Variants in FMN2 observed in about 807,000 individuals in gnomAD.
The protein encoded by FMN2 is formin-2.
FMN2 carries 51 observed loss-of-function variants against 142.3 expected under a neutral mutation model. The ratio of observed to expected loss-of-function variants is 0.36; its 90% CI spans 0.29 to 0.45. FMN2 has a LOEUF of 0.45. Among genes scored for constraint, FMN2 ranks in the 20% least tolerant of loss-of-function variants. The pLI, the probability that FMN2 is intolerant of heterozygous loss-of-function variation, is 1.00. For synonymous variants in FMN2, 882 were observed against 869.8 expected (o/e 1.01, Z -0.25); for missense variants, 1,936 against 2,122.8 (o/e 0.91, Z 1.73).
At chr1:240,392,371 T>C in intron 14 of FMN2, 140 bp from the exon 15 acceptor site, 1 of 540,800 alleles carries the variant, frequency 1.8e-6, no homozygotes, top group South Asian at 4.0e-5. Context: ...ATGACATCCA[T>C]AGATTTGAAA....
At chr1:240,314,620 T>C (rs889571191) in intron 8 of FMN2, among the ~76,000 whole-genome samples, 1 of 152,226 alleles carries the variant, frequency 6.6e-6, no homozygotes, top group Admixed American at 6.5e-5. Flanking sequence ...TTCATGTTCG[T>C]TTCATCCTAG....
At position 240,358,265 on chromosome 1, in the gene FMN2, C is replaced by G. The variant is rs72767913; in HGVS notation, c.4858+2357C>G. Among the ~76,000 whole-genome samples the G allele has an allele frequency of 8.6e-3, 1,311 of 152,164 alleles. 9 individuals are homozygous for G. Among genetic ancestry groups the G allele is most frequent in the Middle Eastern group, 0.014 (4 of 294 alleles). ...TTAATGGACCTTACATTCTGCATTA[C>G]CTGGAAGACAGGTGATAAAAACAAC... is the stretch of plus-strand genomic sequence containing the variant. On this transcript the variant is annotated intron_variant, in intron 14 of 17. Transcript: ENST00000319653.
intron 6 of FMN2, among the ~76,000 whole-genome samples, chr1:240,215,854 G>A (rs1666874979): frequency 6.6e-6 from 1 of 152,024 alleles, no homozygotes; most frequent in Non-Finnish European, 1.5e-5. Flanking sequence ...GATTACAGGT[G>A]CGGGCCACCG....
chr1:240,182,919 C>CTTTTTT (rs66527453), intron 3 of FMN2, among the ~76,000 whole-genome samples: 1 of 138,350 alleles, frequency 7.2e-6, no homozygotes, highest in African/African-American at 2.7e-5. Flanking sequence ...CTTTTCTTTT[C>CTTTTTT]TTTTTTTTTT....
chr1:240,425,462 C>A (rs193158959), intron 15 of FMN2, among the ~76,000 whole-genome samples: 4 of 152,160 alleles, frequency 2.6e-5, no homozygotes, highest in Admixed American at 6.5e-5. Context: ...TTACTCCCCC[C>A]ACCCCAGTTG....
chr1:240,143,458 G>T (rs530792162), intron 2 of FMN2: 2 of 1,498,820 alleles, frequency 1.3e-6, no homozygotes, highest in East Asian at 4.5e-5. Context: ...GTCAGCAGGG[G>T]TTTCCTTTTT....
rs202192932 is a variant in FMN2 at position 240,472,353 on chromosome 1, T to C, written c.5061-19T>C. On this transcript the variant is annotated intron_variant, in intron 16 of 17. Coordinates refer to ENST00000319653, the MANE Select transcript of FMN2 (RefSeq NM_020066.5). Reference sequence around the variant, plus strand: ...TCTAAGTAGGTTTTGTTTAAATACATGTGTCTTCTCCCCATCAGAGTAAAA... The same window carrying C: ...TCTAAGTAGGTTTTGTTTAAATACACGTGTCTTCTCCCCATCAGAGTAAAA... 4 of 1,594,500 alleles carry C rather than the reference T, an allele frequency of 2.5e-6. No homozygotes were observed. The highest frequency in any genetic ancestry group is 3.4e-6 in the Non-Finnish European group (4 of 1,167,608).
intron 16 of FMN2, among the ~76,000 whole-genome samples, chr1:240,448,091 A>T (rs1357394100): frequency 1.3e-5 from 2 of 152,154 alleles, no homozygotes; most frequent in African/African-American, 4.8e-5. Flanking sequence ...TACCCGAGTA[A>T]TTTTGTATGT....
At position 240,473,466 on chromosome 1, in the gene FMN2, A is replaced by AG. The variant is rs1477584210; in HGVS notation, c.5143-660dup. Reference sequence around the variant, plus strand: ...TAAATGAAAAGTTGAGTTAGGCCTTAGGATAGGACCATTCTAAATTGAATT... The same window carrying AG: ...TAAATGAAAAGTTGAGTTAGGCCTTAGGGATAGGACCATTCTAAATTGAATT... On this transcript the variant is annotated intron_variant, in intron 17 of 17. Transcript: ENST00000319653. The surrounding 1 kb of genome is among the most constrained non-coding windows in gnomAD (Gnocchi z 4.3). Among the ~76,000 whole-genome samples the AG allele has an allele frequency of 6.6e-6, 1 of 152,238 alleles. No individual in the cohort carries two copies. The highest frequency in any genetic ancestry group is 2.4e-5 in the African/African-American group (1 of 41,466).
chr1:240,388,198 AGACTAGGAAAAAAACGTGGTGCTCAAAGC>A (rs1673469232), intron 14 of FMN2, among the ~76,000 whole-genome samples: 5 of 115,996 alleles, frequency 4.3e-5, no homozygotes, highest in Non-Finnish European at 5.5e-5. Context: ...AAAAAAAAAA[AGACTAGGAAAAAAACGTGGTGCTCAAAGC>A]AAAAAAAAAA....
intron 15 of FMN2, among the ~76,000 whole-genome samples, chr1:240,398,266 A>G (rs1484375916): frequency 6.6e-6 from 1 of 152,172 alleles, no homozygotes; most frequent in Non-Finnish European, 1.5e-5. Context: ...GGCCTCCCAA[A>G]GAGCTGGGAT....
At chr1:240,430,905 A>T (rs561336963) in intron 15 of FMN2, among the ~76,000 whole-genome samples, 18 of 149,672 alleles carry the variant, frequency 1.2e-4, no homozygotes, top group Admixed American at 6.6e-5. Context: ...TCTTTTTTTT[A>T]AAAATGTATT....
At chr1:240,295,226 TCA>T (rs1332560793) in intron 8 of FMN2, among the ~76,000 whole-genome samples, 1 of 124,198 alleles carries the variant, frequency 8.1e-6, no homozygotes, top group African/African-American at 3.1e-5. Flanking sequence ...ACACACACAC[TCA>T]CACACACTTA....
chr1:240,167,149 AAAAC>A (rs1247731867), intron 2 of FMN2, among the ~76,000 whole-genome samples: 3 of 152,192 alleles, frequency 2.0e-5, no homozygotes, highest in African/African-American at 7.2e-5. Flanking sequence ...AAAAACAAAA[AAAAC>A]CAAAAGGGAT....
intron 16 of FMN2, among the ~76,000 whole-genome samples, chr1:240,467,121 C>A (rs1395220404): frequency 6.6e-6 from 1 of 152,102 alleles, no homozygotes; most frequent in South Asian, 2.1e-4. Flanking sequence ...ACAAACAAAA[C>A]CGGCAAAGTA....
chr1:240,301,356 T>A (rs189869444), intron 8 of FMN2, among the ~76,000 whole-genome samples: 2 of 151,904 alleles, frequency 1.3e-5, no homozygotes, highest in East Asian at 3.9e-4. Flanking sequence ...TGTTGTGACG[T>A]GAGTAGCATC....
chr1:240,468,930 A>G (rs748877353), intron 16 of FMN2, among the ~76,000 whole-genome samples: 1 of 152,174 alleles, frequency 6.6e-6, no homozygotes, highest in African/African-American at 2.4e-5. Context: ...ACCTCCAGGG[A>G]CACATTCTTT....
intron 4 of FMN2, among the ~76,000 whole-genome samples, chr1:240,199,047 A>G (rs1666033202): frequency 6.6e-6 from 1 of 152,040 alleles, no homozygotes; most frequent in Non-Finnish European, 1.5e-5. Flanking sequence ...AGAGGTTGCA[A>G]TGAGCCGAGA....
chr1:240,274,817 T>G (rs1460591979), intron 7 of FMN2, among the ~76,000 whole-genome samples: 1 of 152,118 alleles, frequency 6.6e-6, no homozygotes, highest in Admixed American at 6.5e-5. Context: ...GAGAAAAAGA[T>G]AGGACTCTAG....
Sources: allele counts gnomAD v4.1 joint callset (sites outside exome capture counted in the v4.1 genomes callset), GRCh38; gene constraint gnomAD v4.1.1; non-coding constraint Gnocchi (gnomAD v3.1); transcripts MANE v1.5; gene names NCBI Gene and HGNC (gene_info 2026-07-23, HGNC 2026-07-21).